The following KAZN variants were observed in gnomAD, a reference collection of about 807,000 sequenced individuals.
The protein encoded by KAZN is kazrin.
Under a neutral mutation model 87.4 loss-of-function variants are expected in KAZN, and 40 were observed. The observed-to-expected ratio is 0.46, with a 90% CI of 0.36 to 0.60. The LOEUF is 0.60. Among genes scored for constraint, KAZN ranks in the 20% least tolerant of loss-of-function variants. KAZN has a pLI of 0.00. For missense variants in KAZN, 898 were observed against 1,073.9 expected (o/e 0.84, Z 2.29); for synonymous variants, 466 against 458.3 (o/e 1.02, Z -0.22).
chr1:13,976,177 C>T (rs1042654866), intron 1 of KAZN, among the ~76,000 whole-genome samples: 1 of 152,192 alleles, frequency 6.6e-6, no homozygotes, highest in African/African-American at 2.4e-5. Context: ...TTTCCATTTA[C>T]AATAATGACC....
At chr1:14,230,044 C>T (rs1396292044) in intron 2 of KAZN, among the ~76,000 whole-genome samples, 6 of 152,234 alleles carry the variant, frequency 3.9e-5, no homozygotes, top group Admixed American at 3.9e-4. Context: ...ATAGCAGCCA[C>T]TAACGTCATG....
At chr1:14,706,196 A>G (rs1013088676) in intron 1 of KAZN, among the ~76,000 whole-genome samples, 2 of 152,190 alleles carry the variant, frequency 1.3e-5, no homozygotes, top group African/African-American at 2.4e-5. Context: ...TCTAGTTGTA[A>G]GAAAACAAGC....
At chr1:14,508,490 C>T (rs147229102) in intron 2 of KAZN, among the ~76,000 whole-genome samples, 1 of 152,176 alleles carries the variant, frequency 6.6e-6, no homozygotes, top group Non-Finnish European at 1.5e-5. Flanking sequence ...ATTTTAAGAC[C>T]TTCCTTAAAC....
chr1:14,669,934 GA>G (rs1639814746), intron 1 of KAZN, among the ~76,000 whole-genome samples: 2 of 152,118 alleles, frequency 1.3e-5, no homozygotes, highest in African/African-American at 4.8e-5. Flanking sequence ...AGGCTACCAA[GA>G]AGTACAAATC....
chr1:14,906,795 C>G (rs1656633510), intron 1 of KAZN, among the ~76,000 whole-genome samples: 1 of 150,554 alleles, frequency 6.6e-6, no homozygotes, highest in Non-Finnish European at 1.5e-5. Flanking sequence ...CACCCCCAGG[C>G]TACACAGAAG....
At chr1:14,308,626 TA>T (rs1655086405) in intron 2 of KAZN, among the ~76,000 whole-genome samples, 1 of 152,196 alleles carries the variant, frequency 6.6e-6, no homozygotes, top group Admixed American at 6.5e-5. Flanking sequence ...ATCTGCCAAG[TA>T]CTGGCTGTGT....
chr1:14,542,527 T>C (rs1052475249), intron 2 of KAZN, among the ~76,000 whole-genome samples: 7 of 152,154 alleles, frequency 4.6e-5, no homozygotes, highest in African/African-American at 1.7e-4. Flanking sequence ...AAATCAAACA[T>C]AGATGAAGCT....
chr1:14,666,292 G>A (rs775970560), intron 1 of KAZN, among the ~76,000 whole-genome samples: 1 of 152,018 alleles, frequency 6.6e-6, no homozygotes, highest in Admixed American at 6.6e-5. Flanking sequence ...ATTTGTAGAG[G>A]GTTTTGTTTT....
At chr1:14,629,251 G>T (rs1194412662) in intron 1 of KAZN, among the ~76,000 whole-genome samples, 9 of 152,182 alleles carry the variant, frequency 5.9e-5, no homozygotes, top group Admixed American at 1.3e-4. Context: ...GGGTTGGCGT[G>T]TGTTTATTTG....
At chr1:15,035,695 C>G (rs1672188594) in intron 3 of KAZN, among the ~76,000 whole-genome samples, 1 of 152,148 alleles carries the variant, frequency 6.6e-6, no homozygotes, top group Admixed American at 6.5e-5. Flanking sequence ...CAAAAAGTAG[C>G]CGGTCATTGT....
At chr1:14,725,972 T>A (rs566182224) in intron 1 of KAZN, among the ~76,000 whole-genome samples, 1 of 152,200 alleles carries the variant, frequency 6.6e-6, no homozygotes, top group Non-Finnish European at 1.5e-5. Context: ...GGGTTGCATC[T>A]AGGTTGCACT....
At chr1:14,425,654 T>C (rs758533668) in intron 2 of KAZN, among the ~76,000 whole-genome samples, 3 of 152,192 alleles carry the variant, frequency 2.0e-5, no homozygotes, top group Non-Finnish European at 2.9e-5. Context: ...CGTGAATGCA[T>C]GAATGTTGCT....
chr1:14,864,801 T>G (rs1651266360), intron 1 of KAZN, among the ~76,000 whole-genome samples: 1 of 152,132 alleles, frequency 6.6e-6, no homozygotes, highest in African/African-American at 2.4e-5. Context: ...GCGGCACCAC[T>G]TTCTGGCTAT....
intron 2 of KAZN, among the ~76,000 whole-genome samples, chr1:14,399,402 G>A (rs902009638): frequency 1.4e-4 from 21 of 152,136 alleles, no homozygotes; most frequent in African/African-American, 4.8e-4. Flanking sequence ...CATGTCTTAG[G>A]TAGTAGTGTT....
At position 15,117,663 on chromosome 1, in the gene KAZN, T is replaced by A. The variant is rs1641888907; in HGVS notation, c.*3028T>A. 1 of 152,392 alleles carries A rather than the reference T, an allele frequency of 6.6e-6. No individual in the cohort carries two copies. Among genetic ancestry groups the A allele is most frequent in the South Asian group, 2.1e-4 (1 of 4,834 alleles). The allele number at this position is 152,392 out of a possible 1,614,324, so 9.4% of individuals were successfully genotyped here. On this transcript the variant is annotated 3_prime_UTR_variant, in exon 15 of 15. Transcript: ENST00000376030. ...GATTTGGCCAGAGGTGACCTCAGTG[T>A]TCCCTCCAGGGGCATCCAGGCCCCT...
At chr1:15,025,512 C>T (rs1048050133) in intron 2 of KAZN, among the ~76,000 whole-genome samples, 1 of 152,354 alleles carries the variant, frequency 6.6e-6, no homozygotes, top group East Asian at 1.9e-4. Context: ...TGTTTCCCTC[C>T]CGTGCCATGG....
At chr1:14,906,247 C>T (rs937175490) in intron 1 of KAZN, among the ~76,000 whole-genome samples, 3 of 151,842 alleles carry the variant, frequency 2.0e-5, no homozygotes, top group African/African-American at 7.3e-5. Context: ...CTGTGAACTC[C>T]CCAGAGGAAC....
intron 2 of KAZN, among the ~76,000 whole-genome samples, chr1:14,334,578 C>G (rs1387065864): frequency 1.3e-5 from 2 of 151,738 alleles, no homozygotes; most frequent in African/African-American, 4.8e-5. Flanking sequence ...AGAGGTGTGG[C>G]CATCGTAAGG....
chr1:15,093,913 T>C (rs1640682615), intron 8 of KAZN, among the ~76,000 whole-genome samples: 1 of 152,240 alleles, frequency 6.6e-6, no homozygotes. Flanking sequence ...CCAAGATTTA[T>C]TTGCCTTTCA....
Sources: allele counts gnomAD v4.1 joint callset (sites outside exome capture counted in the v4.1 genomes callset), GRCh38; gene constraint gnomAD v4.1.1; transcripts MANE v1.5; gene names NCBI Gene and HGNC (gene_info 2026-07-23, HGNC 2026-07-21).